TRAPPC9: variants seen among roughly 807,000 people sequenced by gnomAD.
TRAPPC9 encodes the protein trafficking protein particle complex subunit 9.
In TRAPPC9, 83 loss-of-function variants were observed where a neutral mutation model predicts 124.0. The ratio of observed to expected loss-of-function variants is 0.67; its 90% CI spans 0.56 to 0.80. The LOEUF (loss-of-function observed/expected upper bound fraction) is 0.80. Among genes scored for constraint, TRAPPC9 ranks in the 30% least tolerant of loss-of-function variants. The probability of loss-of-function intolerance (pLI) is 0.00; values close to 1 mark genes in which losing one functional copy is unlikely to be tolerated. For missense variants in TRAPPC9, 1,302 were observed against 1,508.3 expected, an observed-to-expected ratio of 0.86 and a Z score of 2.27; for synonymous variants, 638 against 617.5, an observed-to-expected ratio of 1.03 and a Z score of -0.49.
chr8:140,429,814 AAAAT>A (rs763005669), intron 4 of TRAPPC9, among the ~76,000 whole-genome samples: 88 of 151,654 alleles, frequency 5.8e-4, no homozygotes, highest in Non-Finnish European at 1.1e-3. Context: ...CAAAAAAATA[AAAAT>A]AAATAAAATG....
intron 3 of TRAPPC9, among the ~76,000 whole-genome samples, chr8:140,438,369 G>A (rs992678874): frequency 3.3e-5 from 5 of 152,120 alleles, no homozygotes; most frequent in South Asian, 4.1e-4. Context: ...ATAATATTCC[G>A]CTGTATGCCC....
chr8:139,832,275 C>T (rs1447839709), intron 21 of TRAPPC9, among the ~76,000 whole-genome samples: 1 of 152,262 alleles, frequency 6.6e-6, no homozygotes, highest in African/African-American at 2.4e-5. Flanking sequence ...AAAATAGCTA[C>T]ATTTGCATGA....
chr8:140,004,037 A>G (rs1384733653), intron 18 of TRAPPC9, among the ~76,000 whole-genome samples: 2 of 152,246 alleles, frequency 1.3e-5, no homozygotes, highest in East Asian at 3.8e-4. Flanking sequence ...AACTGTTGAC[A>G]GACTCAGTGA....
intron 21 of TRAPPC9, among the ~76,000 whole-genome samples, chr8:139,873,945 G>T (rs578159921): frequency 1.3e-5 from 2 of 152,324 alleles, no homozygotes; most frequent in East Asian, 3.9e-4. Flanking sequence ...GGACTGGAGC[G>T]CACATCCTCT....
intron 9 of TRAPPC9, among the ~76,000 whole-genome samples, chr8:140,350,588 G>C (rs937866098): frequency 6.6e-6 from 1 of 152,068 alleles, no homozygotes; most frequent in African/African-American, 2.4e-5. Context: ...ACTGGGAAAC[G>C]CAAAGCGGCG....
intron 2 of TRAPPC9, among the ~76,000 whole-genome samples, chr8:140,447,178 A>G (rs977656568): frequency 6.6e-6 from 1 of 152,126 alleles, no homozygotes; most frequent in Non-Finnish European, 1.5e-5. Flanking sequence ...CCAAAGAATA[A>G]AGGCTGGTGT....
At chr8:140,297,006 G>A (rs777725747) in intron 11 of TRAPPC9, among the ~76,000 whole-genome samples, 10 of 152,342 alleles carry the variant, frequency 6.6e-5, no homozygotes, top group South Asian at 2.1e-4. Context: ...CCATCCCCAC[G>A]GAGCTCGGAA....
intron 21 of TRAPPC9, among the ~76,000 whole-genome samples, chr8:139,815,866 C>G (rs753058071): frequency 2.0e-5 from 3 of 152,234 alleles, no homozygotes; most frequent in Admixed American, 1.3e-4. Context: ...GGCTCTTGTG[C>G]TCATCACCTG....
intron 21 of TRAPPC9, among the ~76,000 whole-genome samples, chr8:139,750,193 G>C (rs1244697864): frequency 6.6e-6 from 1 of 152,086 alleles, no homozygotes; most frequent in East Asian, 1.9e-4. Context: ...TGCTCCCCAG[G>C]CTTCTCTGAT....
chr8:140,362,257 G>A (rs960363787), intron 8 of TRAPPC9, among the ~76,000 whole-genome samples: 14 of 152,216 alleles, frequency 9.2e-5, no homozygotes, highest in African/African-American at 2.9e-4. Flanking sequence ...GGATCAAGAC[G>A]TAAGGCTGGT....
chr8:139,777,099 C>A (rs1821446849), intron 21 of TRAPPC9, among the ~76,000 whole-genome samples: 1 of 152,206 alleles, frequency 6.6e-6, no homozygotes, highest in Non-Finnish European at 1.5e-5. Context: ...TTTCAAGAGT[C>A]AGTTCAACTG....
At chr8:140,401,851 C>G (rs2069285728) in intron 6 of TRAPPC9, among the ~76,000 whole-genome samples, 1 of 151,424 alleles carries the variant, frequency 6.6e-6, no homozygotes, top group Non-Finnish European at 1.5e-5. Flanking sequence ...GTCTGGAACT[C>G]CTGAGCTCAA....
intron 17 of TRAPPC9, among the ~76,000 whole-genome samples, chr8:140,191,113 T>C (rs2062482469): frequency 6.6e-6 from 1 of 152,170 alleles, no homozygotes; most frequent in African/African-American, 2.4e-5. Context: ...ACAAGTGCAT[T>C]CGCTCAGGCT....
intron 21 of TRAPPC9, among the ~76,000 whole-genome samples, chr8:139,757,074 G>T (rs1400457970): frequency 8.0e-5 from 10 of 124,588 alleles, no homozygotes; most frequent in African/African-American, 9.3e-5. Flanking sequence ...GAGGACAGCA[G>T]GTCACAGGAG....
intron 17 of TRAPPC9, among the ~76,000 whole-genome samples, chr8:140,171,051 G>A (rs1018611454): frequency 1.7e-4 from 26 of 152,206 alleles, no homozygotes; most frequent in Non-Finnish European, 2.5e-4. Flanking sequence ...ATCAAGTTGC[G>A]AGAAACAGGT....
intron 17 of TRAPPC9, among the ~76,000 whole-genome samples, chr8:140,190,898 T>C (rs1288370189): frequency 1.3e-5 from 2 of 152,218 alleles, no homozygotes; most frequent in African/African-American, 4.8e-5. Context: ...CAGCGTGTTT[T>C]TGCTGCCACC....
chr8:140,263,754 A>C (rs2064514285), intron 15 of TRAPPC9, among the ~76,000 whole-genome samples: 3 of 152,206 alleles, frequency 2.0e-5, no homozygotes, highest in African/African-American at 7.2e-5. Flanking sequence ...GACTCTAACA[A>C]AAGTCCATCT....
In TRAPPC9 at chr8:139,997,973, G is replaced by A. The variant is rs112428773; in HGVS notation, c.2700-9137C>T. 6.7e-5 allele frequency among the ~76,000 whole-genome samples: 10 copies of A among 149,068 alleles called. No individual in the cohort carries two copies. The South Asian group carries it at 1.1e-3, about 16-fold the overall frequency. Reference sequence around the variant, plus strand: ...AGGGAGACAATGCATCCTACACAGGGGAGACAATGCATCCCACACAGGGGA... The same window carrying A: ...AGGGAGACAATGCATCCTACACAGGAGAGACAATGCATCCCACACAGGGGA... On this transcript the variant is annotated intron_variant, in intron 18 of 22. Coordinates refer to ENST00000438773, the MANE Select transcript of TRAPPC9 (RefSeq NM_001160372.4).
At chr8:140,320,006 G>C (rs1036833629) in intron 9 of TRAPPC9, among the ~76,000 whole-genome samples, 1 of 152,174 alleles carries the variant, frequency 6.6e-6, no homozygotes, top group Non-Finnish European at 1.5e-5. Flanking sequence ...GTAGAGAATA[G>C]AAAGAGGGGA....
Sources: allele counts gnomAD v4.1 joint callset (sites outside exome capture counted in the v4.1 genomes callset), GRCh38; gene constraint gnomAD v4.1.1; transcripts MANE v1.5; gene names NCBI Gene and HGNC (gene_info 2026-07-23, HGNC 2026-07-21).